Variants in DNAH17 observed in about 807,000 individuals in gnomAD.
The protein encoded by DNAH17 is axonemal beta dynein heavy chain 17.
Under a neutral mutation model 485.6 loss-of-function variants are expected in DNAH17, and 376 were observed. The observed-to-expected ratio is 0.77, with a 90% CI of 0.71 to 0.84. The LOEUF (loss-of-function observed/expected upper bound fraction) is 0.84, where lower values mean the gene tolerates loss of function less well. Among genes scored for constraint, DNAH17 ranks in the 40% least tolerant of loss-of-function variants. The pLI, the probability that DNAH17 is intolerant of heterozygous loss-of-function variation, is 0.00. For synonymous variants in DNAH17, 3,031 were observed against 2,405.9 expected (o/e 1.26, Z -7.60); for missense variants, 6,370 against 5,839.3 (o/e 1.09, Z -2.96).
chr17:78,558,566 T>C (rs999744510), intron 13 of DNAH17, among the ~76,000 whole-genome samples: 2 of 138,428 alleles, frequency 1.4e-5, no homozygotes, highest in Admixed American at 7.4e-5. Flanking sequence ...TATGACATCA[T>C]TGTCATCACC....
In DNAH17 at chr17:78,459,033, C is replaced by T. The variant is rs768015395; in HGVS notation, c.9829G>A (p.Glu3277Lys). 2 of 1,614,062 alleles carry T rather than the reference C, an allele frequency of 1.2e-6. No homozygotes were observed. The highest frequency in any genetic ancestry group is 2.2e-5 in the South Asian group (2 of 91,088). ...EANAELAEAQ[E>K]KLSRIKNKIA... ...TTGTTTTTGATCCGGGACAGCTTCT[C>T]TTGTGCCTCTGCCAGCTCTGCATTA... Residue 3277 changes from glutamate (E) to lysine (K), a missense_variant, in exon 61 of 81, where the codon GAG becomes AAG. By Grantham distance (56) the Glu-to-Lys change is moderately conservative. Transcript: ENST00000389840.
At chr17:78,450,157 G>C in intron 68 of DNAH17, 97 bp downstream of exon 68, 2 of 1,446,196 alleles carry the variant, frequency 1.4e-6, no homozygotes, top group African/African-American at 1.4e-5. Flanking sequence ...GGTGGCCCTG[G>C]CACTGCCCGA....
chr17:78,471,405 G>A (rs1294563868), intron 54 of DNAH17, among the ~76,000 whole-genome samples: 3 of 152,348 alleles, frequency 2.0e-5, no homozygotes, highest in East Asian at 1.9e-4. Flanking sequence ...GGTAAGGAGC[G>A]TAGTGTGAGA....
chr17:78,451,361 A>G lies in DNAH17; in HGVS notation c.10734+108T>C, dbSNP rs573663646. On this transcript the variant is annotated intron_variant, in intron 66 of 80. Transcript: ENST00000389840. Reference sequence around the variant, plus strand: ...CACTGAGGCACCTTCAGAGAGAAGCAACGACACACACTGGACTGGCAGCCC... The same window carrying G: ...CACTGAGGCACCTTCAGAGAGAAGCGACGACACACACTGGACTGGCAGCCC... 9.0e-5 allele frequency: 93 copies of G among 1,029,026 alleles called. No individual in the cohort carries two copies. The Admixed American group carries it at 2.3e-3, about 26-fold the overall frequency. The allele number at this position is 1,029,026 out of a possible 1,614,324, so 63.7% of individuals were successfully genotyped here. A position where few individuals can be genotyped will look rare whatever the true frequency, so the allele number is the denominator to read the frequency against.
chr17:78,529,970 G>A lies in DNAH17; in HGVS notation c.3285-276C>T, dbSNP rs893901037. 3.9e-5 allele frequency among the ~76,000 whole-genome samples: 6 copies of A among 152,308 alleles called. No homozygotes were observed. The East Asian group carries it at 5.8e-4, about 15-fold the overall frequency. Reference sequence around the variant, plus strand: ...AGAGGCCTTCACTAGCCTCCCGGATGGAATTCAGCCAGGCAATGCTCTCTC... The same window carrying A: ...AGAGGCCTTCACTAGCCTCCCGGATAGAATTCAGCCAGGCAATGCTCTCTC... On this transcript the variant is annotated intron_variant, in intron 21 of 80. Coordinates refer to ENST00000389840, the MANE Select transcript of DNAH17 (RefSeq NM_173628.4).
At chr17:78,445,254 T>TGGGGGGAGGAGGGGAGGCTGGGGG (rs2087235788) in intron 70 of DNAH17, among the ~76,000 whole-genome samples, 1 of 150,348 alleles carries the variant, frequency 6.7e-6, no homozygotes, top group African/African-American at 2.5e-5. Flanking sequence ...GAGGAGAGGT[T>TGGGGGGAGGAGGGGAGGCTGGGGG]GAGGGAGGGA....
rs1598420850 is a variant in DNAH17 at position 78,423,717 on chromosome 17, A to T, written c.*189T>A. 1.4e-6 allele frequency: 1 copy of T among 694,260 alleles called. No individual in the cohort carries two copies. The highest frequency in any genetic ancestry group is 2.4e-6 in the Non-Finnish European group (1 of 422,440). The allele number at this position is 694,260 out of a possible 1,614,324, so 43.0% of individuals were successfully genotyped here. A position where few individuals can be genotyped will look rare whatever the true frequency, so the allele number is the denominator to read the frequency against. On this transcript the variant is annotated 3_prime_UTR_variant, in exon 81 of 81. Coordinates refer to ENST00000389840, the MANE Select transcript of DNAH17 (RefSeq NM_173628.4). ...ACAGCTGAGTGGCTCCACTGGCTTT[A>T]ATCTGCCCCACCTCTTCCACACCAA...
chr17:78,556,761 C>A (rs2092031982), intron 14 of DNAH17, among the ~76,000 whole-genome samples: 2 of 152,106 alleles, frequency 1.3e-5, no homozygotes, highest in South Asian at 4.1e-4. Context: ...ACCCGAATGC[C>A]CATCAACAGA....
intron 57 of DNAH17, among the ~76,000 whole-genome samples, 197 bp downstream of exon 57, chr17:78,462,647 G>A (rs1171786960): frequency 6.6e-6 from 1 of 152,198 alleles, no homozygotes; most frequent in African/African-American, 2.4e-5. Flanking sequence ...AGCATTTTGA[G>A]TCTGTTTTTT....
chr17:78,461,091 A>ACC (rs370960945), intron 58 of DNAH17, among the ~76,000 whole-genome samples: 1,887 of 148,550 alleles, frequency 0.013, 56 homozygotes, highest in African/African-American at 0.045. Flanking sequence ...CAAGGAGCCC[A>ACC]CCCCCAGGCC....
chr17:78,458,927 AAC>A, intron 61 of DNAH17, 72 bp downstream of exon 61: 2 of 1,505,646 alleles, frequency 1.3e-6, no homozygotes, highest in Non-Finnish European at 1.8e-6. Context: ...ACCCATTTTC[AAC>A]AGAGGTATTG....
intron 25 of DNAH17, among the ~76,000 whole-genome samples, chr17:78,518,527 T>C (rs1242200380): frequency 9.9e-5 from 15 of 151,982 alleles, no homozygotes. Flanking sequence ...AAAGGAGAAA[T>C]AAACACATCT....
At chr17:78,531,263 C>G (rs543652663) in intron 20 of DNAH17, among the ~76,000 whole-genome samples, 1 of 151,702 alleles carries the variant, frequency 6.6e-6, no homozygotes, top group Non-Finnish European at 1.5e-5. Flanking sequence ...TAAATCCTCT[C>G]GCTGAGTTGA....
chr17:78,570,225 C>A, intron 7 of DNAH17, 22 bp downstream of exon 7: 1 of 1,563,772 alleles, frequency 6.4e-7, no homozygotes, highest in East Asian at 2.3e-5. Flanking sequence ...GGAAGGGGAC[C>A]CAGGGGCCAG....
intron 75 of DNAH17, among the ~76,000 whole-genome samples, chr17:78,430,098 T>C (rs690790): frequency 0.16 from 24,155 of 152,124 alleles, 2,025 homozygotes; most frequent in Middle Eastern, 0.2. Context: ...CTCTGGAACA[T>C]TCTTCTTCCT....
chr17:78,485,951 G>C lies in DNAH17; in HGVS notation c.7275+9C>G. 1 of 1,610,546 alleles carries C rather than the reference G, an allele frequency of 6.2e-7. No individual in the cohort carries two copies. The highest frequency in any genetic ancestry group is 8.5e-7 in the Non-Finnish European group (1 of 1,179,176). ...CACCAGTCGGTGGCCCTGCTTTGGG[G>C]ACAGTTACCTGCAGTGGGACATCGG... On this transcript the variant is annotated intron_variant, in intron 46 of 80. Transcript: ENST00000389840.
rs748912987 is a variant in DNAH17, at chr17:78,490,698, C to G, written c.6818+1G>C. The G allele has an allele frequency of 6.2e-7, 1 of 1,605,340 alleles. No individual in the cohort carries two copies. Among genetic ancestry groups the G allele is most frequent in the Non-Finnish European group, 8.5e-7 (1 of 1,175,278 alleles). On this transcript the variant is annotated splice_donor_variant, in intron 44 of 80. Coordinates refer to ENST00000389840, the MANE Select transcript of DNAH17 (RefSeq NM_173628.4). LOFTEE classifies it high-confidence loss of function. The stretch of plus-strand genomic sequence containing the variant: ...AACAGGAAAGCCAAAGCCCCACTCA[C>G]GGGTTCCATCCCAGGTCGGCTGGGT...
intron 34 of DNAH17, 117 bp from the exon 35 acceptor site, chr17:78,501,461 C>A: frequency 8.0e-7 from 1 of 1,257,060 alleles, no homozygotes; most frequent in Non-Finnish European, 1.1e-6. Context: ...CCTCCCTGGC[C>A]CTCTTTCCCC....
Position 78,458,603 on chromosome 17 carries a change from C to T in DNAH17, c.9939G>A (p.Glu3313=), listed in dbSNP as rs754237398. 1.2e-6 allele frequency: 2 copies of T among 1,614,008 alleles called. No individual in the cohort carries two copies. The highest frequency in any genetic ancestry group is 2.2e-5 in the South Asian group (2 of 91,084). Residue 3313 remains glutamate (E), a synonymous_variant, in exon 62 of 81, where the codon GAG becomes GAA. Coordinates refer to ENST00000389840, the MANE Select transcript of DNAH17 (RefSeq NM_173628.4). ...AGATCACCCTGTTCGTGGCATCGGCCTCTTGCTGACACTTGATTTTCTCAG... is the reference window on the plus strand; with the variant it reads ...AGATCACCCTGTTCGTGGCATCGGCTTCTTGCTGACACTTGATTTTCTCAG... ...ATAEKIKCQQ[E]ADATNRVILL... is the part of the protein sequence containing the mutation.
Sources: allele counts gnomAD v4.1 joint callset (sites outside exome capture counted in the v4.1 genomes callset), GRCh38; gene constraint gnomAD v4.1.1; transcripts MANE v1.5; gene names NCBI Gene and HGNC (gene_info 2026-07-23, HGNC 2026-07-21).